NGEF: variants seen among roughly 807,000 people sequenced by gnomAD.
The protein encoded by NGEF is neuronal guanine nucleotide exchange factor, also known as ephexin-1.
NGEF carries 31 observed loss-of-function variants against 80.9 expected under a neutral mutation model. The observed-to-expected ratio is 0.38, with a 90% CI of 0.29 to 0.52. The LOEUF is 0.52. Among genes scored for constraint, NGEF ranks in the 20% least tolerant of loss-of-function variants. The probability of loss-of-function intolerance (pLI) is 0.84; values close to 1 mark genes in which losing one functional copy is unlikely to be tolerated. For synonymous variants in NGEF, 371 were observed against 370.2 expected, an observed-to-expected ratio of 1.00 and a Z score of -0.03; for missense variants, 709 against 926.2, an observed-to-expected ratio of 0.77 and a Z score of 3.04.
At chr2:232,920,227 C>A in intron 5 of NGEF, 57 bp downstream of exon 5, 2 of 1,533,934 alleles carry the variant, frequency 1.3e-6, no homozygotes, top group Non-Finnish European at 1.8e-6. Context: ...TCACCCCCAG[C>A]AGTGAGGGCC....
chr2:232,894,181 T>C (rs1691981666), intron 6 of NGEF, among the ~76,000 whole-genome samples: 1 of 152,178 alleles, frequency 6.6e-6, no homozygotes, highest in Admixed American at 6.5e-5. Flanking sequence ...AAGGATTCAA[T>C]GGGCAGATGT....
At chr2:233,003,968 A>G (rs6727341) in intron 1 of NGEF, among the ~76,000 whole-genome samples, 10,998 of 152,196 alleles carry the variant, frequency 0.072, 584 homozygotes, top group East Asian at 0.22. Flanking sequence ...CATTTAATGC[A>G]TGTTGGAGTT....
intron 3 of NGEF, among the ~76,000 whole-genome samples, chr2:232,939,774 G>A (rs574122733): frequency 6.6e-6 from 1 of 152,166 alleles, no homozygotes; most frequent in African/African-American, 2.4e-5. Flanking sequence ...GAGGCAGGTG[G>A]ATCACCTGAG....
chr2:233,000,621 G>A (rs1460241650), intron 1 of NGEF, among the ~76,000 whole-genome samples: 1 of 152,028 alleles, frequency 6.6e-6, no homozygotes, highest in Non-Finnish European at 1.5e-5. Context: ...TTAGCCGGGC[G>A]TGGTGGCGGG....
chr2:233,007,964 A>G (rs1448283713), intron 1 of NGEF, among the ~76,000 whole-genome samples: 1 of 152,242 alleles, frequency 6.6e-6, no homozygotes, highest in Non-Finnish European at 1.5e-5. Context: ...GGAACTTGGC[A>G]GAAAGGAAGG....
At chr2:232,936,114 G>A (rs1351029982) in intron 3 of NGEF, among the ~76,000 whole-genome samples, 2 of 152,148 alleles carry the variant, frequency 1.3e-5, no homozygotes. Flanking sequence ...GACCACCTCT[G>A]TCGCTGCAGC....
intron 8 of NGEF, among the ~76,000 whole-genome samples, chr2:232,890,322 C>T (rs952952510): frequency 6.6e-6 from 1 of 152,090 alleles, no homozygotes; most frequent in African/African-American, 2.4e-5. Context: ...GAAGCCCCAT[C>T]CCCCTGAGTC....
At chr2:232,969,143 T>A (rs1365203823) in intron 3 of NGEF, among the ~76,000 whole-genome samples, 1 of 152,142 alleles carries the variant, frequency 6.6e-6, no homozygotes, top group Admixed American at 6.5e-5. Flanking sequence ...AATTAATAAA[T>A]CACAATCCAG....
intron 1 of NGEF, among the ~76,000 whole-genome samples, chr2:233,009,386 G>T (rs1006265654): frequency 6.6e-6 from 1 of 152,088 alleles, no homozygotes; most frequent in South Asian, 2.1e-4. Flanking sequence ...AGAGATGGGG[G>T]TCTTGCTATT....
chr2:232,988,500 G>A (rs1400824494), intron 1 of NGEF, among the ~76,000 whole-genome samples: 1 of 152,212 alleles, frequency 6.6e-6, no homozygotes, highest in Non-Finnish European at 1.5e-5. Context: ...AAGGGCAGCA[G>A]GCAGCCGCCA....
rs1266623802 is a variant in NGEF, at chr2:232,878,970, G to A, written c.*519C>T. On this transcript the variant is annotated 3_prime_UTR_variant, in exon 15 of 15. Coordinates refer to ENST00000264051, the MANE Select transcript of NGEF (RefSeq NM_019850.3). ...GCCTGGGGAAGGGTGGGCAGAGGCA[G>A]CTGGGCTCTCAGTCCTGGAACCGGA... is the stretch of plus-strand genomic sequence containing the variant. 1 of 153,052 alleles carries A rather than the reference G, an allele frequency of 6.5e-6. No homozygotes were observed. Among genetic ancestry groups the A allele is most frequent in the Non-Finnish European group, 1.5e-5 (1 of 68,408 alleles). The allele number at this position is 153,052 out of a possible 1,614,324, so 9.5% of individuals were successfully genotyped here.
At chr2:232,907,481 C>G (rs573231830) in intron 5 of NGEF, among the ~76,000 whole-genome samples, 8 of 152,080 alleles carry the variant, frequency 5.3e-5, no homozygotes, top group Non-Finnish European at 1.0e-4. Context: ...GGTTTTGTGT[C>G]GGTTACCAGA....
chr2:232,981,780 C>T (rs1377428310), intron 1 of NGEF, among the ~76,000 whole-genome samples: 1 of 152,244 alleles, frequency 6.6e-6, no homozygotes, highest in Non-Finnish European at 1.5e-5. Context: ...TCCCGCACAG[C>T]TGGCTCTGCG....
chr2:232,899,731 TTCAC>T (rs1158042879), intron 5 of NGEF, among the ~76,000 whole-genome samples: 1 of 132,300 alleles, frequency 7.6e-6, no homozygotes, highest in Non-Finnish European at 1.6e-5. Flanking sequence ...CATATACACG[TTCAC>T]TCACATTCAC....
intron 13 of NGEF, 92 bp from the exon 14 acceptor site, chr2:232,881,342 G>C (rs1467271255): frequency 1.1e-6 from 1 of 926,908 alleles, no homozygotes; most frequent in Non-Finnish European, 1.7e-6. Context: ...GCCTAGAATA[G>C]GAAAACTCCC....
intron 1 of NGEF, chr2:233,012,694 TG>T: frequency 2.6e-6 from 1 of 377,812 alleles, no homozygotes; most frequent in South Asian, 2.0e-5. Context: ...AATGCTGTGT[TG>T]TTGTCCTTTT....
chr2:232,899,972 A>ACACGTTCACT (rs1692245906), intron 5 of NGEF, among the ~76,000 whole-genome samples: 1 of 89,830 alleles, frequency 1.1e-5, no homozygotes, highest in Admixed American at 1.0e-4. Context: ...TCACTCATAT[A>ACACGTTCACT]CACATTCACT....
rs147833836 is a variant in NGEF, at chr2:232,881,230, C to T, written c.1858G>A (p.Val620Met). The change falls in exon 14 of 15, where the codon GTG (valine) becomes ATG (methionine). Residue 620 changes from valine to methionine, a missense_variant. Physicochemically the swap from Val to Met is conservative, Grantham distance 21. This residue lies in a region of NGEF where 426 missense variants were observed against 622.9 expected (regional missense o/e 0.68). Transcript: ENST00000264051. ...GGCTGCTGAGCCACGTATGGGTGCACGCACTGGACCTGGGGGCAGTCTGAG... is the reference window on the plus strand; with the variant it reads ...GGCTGCTGAGCCACGTATGGGTGCATGCACTGGACCTGGGGGCAGTCTGAG... ...RLLDCPQVQC[V>M]HPYVAQQPDE... 5.6e-6 allele frequency: 9 copies of T among 1,609,042 alleles called. No homozygotes were observed. Among genetic ancestry groups the T allele is most frequent in the East Asian group, 2.2e-5 (1 of 44,850 alleles).
intron 3 of NGEF, chr2:232,928,160 G>C: frequency 2.0e-6 from 2 of 983,910 alleles, no homozygotes; most frequent in Non-Finnish European, 2.4e-6. Context: ...ACTCCCGCGG[G>C]CGGGCGCGCG....
Sources: allele counts gnomAD v4.1 joint callset (sites outside exome capture counted in the v4.1 genomes callset), GRCh38; gene constraint gnomAD v4.1.1; regional missense constraint gnomAD v4.1.1; transcripts MANE v1.5; gene names NCBI Gene and HGNC (gene_info 2026-07-23, HGNC 2026-07-21).